Variants in PCDHGB5 observed in about 807,000 individuals in gnomAD.
PCDHGB5 encodes the protein protocadherin gamma subfamily B, 5.
In PCDHGB5, 48 loss-of-function variants were observed where a neutral mutation model predicts 62.9. The ratio of observed to expected loss-of-function variants is 0.76; its 90% CI spans 0.61 to 0.97. PCDHGB5 has a LOEUF of 0.97. Among genes scored for constraint, PCDHGB5 ranks in the 50% least tolerant of loss-of-function variants. The probability of loss-of-function intolerance (pLI) is 0.00; values close to 1 mark genes in which losing one functional copy is unlikely to be tolerated. For missense variants in PCDHGB5, 1,118 were observed against 1,198.6 expected (o/e 0.93, Z 0.99); for synonymous variants, 474 against 511.2 (o/e 0.93, Z 0.98).
chr5:141,478,607 A>T (rs892000536), intron 1 of PCDHGB5: 1 of 1,560,800 alleles, frequency 6.4e-7, no homozygotes, highest in Non-Finnish European at 8.7e-7. Context: ...CATCATATTG[A>T]GGAAGGAATG....
chr5:141,476,238 G>C lies in PCDHGB5; in HGVS notation c.2398-18569G>C, dbSNP rs764976894. ...ATTCACTATGAGATCCCGGAGGAAA[G>C]AGAGAAGGGTTTCGCTGTGGGCAAC... On this transcript the variant is annotated intron_variant, in intron 1 of 3. Coordinates refer to ENST00000617380, the MANE Select transcript of PCDHGB5 (RefSeq NM_018925.3). The surrounding 1 kb of genome is among the most constrained non-coding windows in gnomAD (Gnocchi z 7.6). 1 of 1,614,098 alleles carries C rather than the reference G, an allele frequency of 6.2e-7. No individual in the cohort carries two copies.
intron 1 of PCDHGB5, among the ~76,000 whole-genome samples, chr5:141,481,647 A>G (rs749515062): frequency 1.6e-4 from 25 of 151,712 alleles, no homozygotes; most frequent in Non-Finnish European, 2.8e-4. Flanking sequence ...GTGAAACTTC[A>G]TCTCTACTAA....
At chr5:141,414,409 A>AG in intron 1 of PCDHGB5, 1 of 1,613,870 alleles carries the variant, frequency 6.2e-7, no homozygotes. Flanking sequence ...GGTGATACAC[A>AG]GAGCCCTTGA....
rs768206517 is a variant in PCDHGB5 at position 141,432,482 on chromosome 5, G to C, written c.2397+31958G>C. 6.2e-7 allele frequency: 1 copy of C among 1,614,178 alleles called. No individual in the cohort carries two copies. Among genetic ancestry groups the C allele is most frequent in the South Asian group, 1.1e-5 (1 of 91,074 alleles). ...CCTCCCCACGGACGGTTCCACTGGC[G>C]TGGAGCTGGCTCCCCGCTCCGCAGA... On this transcript the variant is annotated intron_variant, in intron 1 of 3. Coordinates refer to ENST00000617380, the MANE Select transcript of PCDHGB5 (RefSeq NM_018925.3). The surrounding 1 kb of genome is among the most constrained non-coding windows in gnomAD (Gnocchi z 6.0).
At chr5:141,420,468 T>G in intron 1 of PCDHGB5, 1 of 799,886 alleles carries the variant, frequency 1.3e-6, no homozygotes, top group East Asian at 3.3e-5. Context: ...CAAAGACATT[T>G]TAAAGCAAAC....
Position 141,491,287 on chromosome 5 carries a change from C to T in PCDHGB5, c.2398-3520C>T, listed in dbSNP as rs1562145447. 2 of 1,614,030 alleles carry T rather than the reference C, an allele frequency of 1.2e-6. No homozygotes were observed. Among genetic ancestry groups the T allele is most frequent in the Admixed American group, 1.7e-5 (1 of 60,032 alleles). On this transcript the variant is annotated intron_variant, in intron 1 of 3. Coordinates refer to ENST00000617380, the MANE Select transcript of PCDHGB5 (RefSeq NM_018925.3). The surrounding 1 kb of genome is among the most constrained non-coding windows in gnomAD (Gnocchi z 6.9). ...GCCCAAATCCAGTGACTTCCTCATA[C>T]ACCCTCCTGAGCGTTCAGACCTTAC... is the stretch of plus-strand genomic sequence containing the variant.
intron 2 of PCDHGB5, among the ~76,000 whole-genome samples, chr5:141,499,326 C>G (rs1465474737): frequency 6.6e-6 from 1 of 152,156 alleles, no homozygotes; most frequent in Non-Finnish European, 1.5e-5. Flanking sequence ...TATCCCTGCT[C>G]TCTCTCAGTT....
chr5:141,403,927 G>A, intron 1 of PCDHGB5: 3 of 1,613,852 alleles, frequency 1.9e-6, no homozygotes, highest in East Asian at 2.2e-5. Context: ...AAGATGGTGG[G>A]GGATTGAAAG....
chr5:141,453,930 T>G (rs944390811), intron 1 of PCDHGB5, among the ~76,000 whole-genome samples: 10 of 152,242 alleles, frequency 6.6e-5, no homozygotes, highest in Non-Finnish European at 1.0e-4. Flanking sequence ...AGTCACTGTG[T>G]GCCTATAATT....
chr5:141,437,385 C>T (rs543945898), intron 1 of PCDHGB5, among the ~76,000 whole-genome samples: 12 of 152,202 alleles, frequency 7.9e-5, no homozygotes, highest in Non-Finnish European at 1.6e-4. Flanking sequence ...AGAAGACATT[C>T]ATCCACTGCT....
chr5:141,441,036 A>G (rs2098219746), intron 1 of PCDHGB5: 1 of 152,216 alleles, frequency 6.6e-6, no homozygotes, highest in South Asian at 2.1e-4. Context: ...TGAAAACTTT[A>G]AGTACATTGG....
chr5:141,415,760 T>G (rs779762678), intron 1 of PCDHGB5: 355 of 1,388,296 alleles, frequency 2.6e-4, no homozygotes, highest in East Asian at 7.0e-4. Flanking sequence ...TTTTTTTTTT[T>G]TTTTTTTTTT....
chr5:141,476,979 G>C lies in PCDHGB5; in HGVS notation c.2398-17828G>C. On this transcript the variant is annotated intron_variant, in intron 1 of 3. Coordinates refer to ENST00000617380, the MANE Select transcript of PCDHGB5 (RefSeq NM_018925.3). The surrounding 1 kb of genome is among the most constrained non-coding windows in gnomAD (Gnocchi z 7.6). Reference sequence around the variant, plus strand: ...ATTTACTCCTTCGGCAGCCACAACCGCGCCGGCGTGCGGCAACTATTCGCC... The same window carrying C: ...ATTTACTCCTTCGGCAGCCACAACCCCGCCGGCGTGCGGCAACTATTCGCC... 1 of 1,614,238 alleles carries C rather than the reference G, an allele frequency of 6.2e-7. No homozygotes were observed. The highest frequency in any genetic ancestry group is 1.3e-5 in the African/African-American group (1 of 75,074).
intron 1 of PCDHGB5, chr5:141,478,091 A>G: frequency 6.2e-7 from 1 of 1,613,972 alleles, no homozygotes; most frequent in African/African-American, 1.3e-5. Flanking sequence ...GCTCTCCACC[A>G]CTGCTACCCT....
rs2099694919 is a variant in PCDHGB5, at chr5:141,490,016, C to T, written c.2398-4791C>T. The T allele has an allele frequency of 6.2e-7, 1 of 1,614,158 alleles. No individual in the cohort carries two copies. The highest frequency in any genetic ancestry group is 8.5e-7 in the Non-Finnish European group (1 of 1,180,060). On this transcript the variant is annotated intron_variant, in intron 1 of 3. Transcript: ENST00000617380. This position sits in a 1 kb window ranked among gnomAD's most constrained non-coding sequence, Gnocchi z 5.4. ...ATCCCAGAGAATGCACCCATTGGTACTCTGCTGCTCCGCCTCAATGCCACT... is the reference window on the plus strand; with the variant it reads ...ATCCCAGAGAATGCACCCATTGGTATTCTGCTGCTCCGCCTCAATGCCACT...
chr5:141,465,142 T>TCCCTAA (rs2099097979), intron 1 of PCDHGB5, among the ~76,000 whole-genome samples: 3 of 151,990 alleles, frequency 2.0e-5, no homozygotes, highest in Non-Finnish European at 4.4e-5. Flanking sequence ...GTTTAGGGGA[T>TCCCTAA]ATATGAAGGG....
chr5:141,403,613 C>T lies in PCDHGB5; in HGVS notation c.2397+3089C>T, dbSNP rs769394271. On this transcript the variant is annotated intron_variant, in intron 1 of 3. Transcript: ENST00000617380. ...CACGGCCTCGGATGGCGGCGAGCCG[C>T]GTCGCTCCAGCACAGTGCGCATCCA... The T allele has an allele frequency of 3.5e-5, 56 of 1,613,778 alleles. No homozygotes were observed. Among genetic ancestry groups the T allele is most frequent in the Non-Finnish European group, 4.7e-5 (55 of 1,179,908 alleles).
chr5:141,423,106 G>T lies in PCDHGB5; in HGVS notation c.2397+22582G>T, dbSNP rs562864937. On this transcript the variant is annotated intron_variant, in intron 1 of 3. Coordinates refer to ENST00000617380, the MANE Select transcript of PCDHGB5 (RefSeq NM_018925.3). ...CGCGGTGGGGGAGCACACGGGCGAGGTGCGTACAGCGCGGGCACTGCTGGA... is the reference window on the plus strand; with the variant it reads ...CGCGGTGGGGGAGCACACGGGCGAGTTGCGTACAGCGCGGGCACTGCTGGA... The T allele has an allele frequency of 1.2e-5, 19 of 1,613,894 alleles. No individual in the cohort carries two copies. The African/African-American group carries it at 2.1e-4, about 18-fold the overall frequency.
chr5:141,505,078 C>G (rs535590642), intron 2 of PCDHGB5, among the ~76,000 whole-genome samples: 81 of 152,298 alleles, frequency 5.3e-4, no homozygotes, highest in African/African-American at 2.0e-3. Flanking sequence ...AGGAGAATCG[C>G]TTGAACCCAG....
Sources: allele counts gnomAD v4.1 joint callset (sites outside exome capture counted in the v4.1 genomes callset), GRCh38; gene constraint gnomAD v4.1.1; non-coding constraint Gnocchi (gnomAD v3.1); transcripts MANE v1.5; gene names NCBI Gene and HGNC (gene_info 2026-07-23, HGNC 2026-07-21).